The following ZPBP variants were observed in gnomAD, a reference collection of about 807,000 sequenced individuals.
ZPBP encodes the protein zona pellucida binding protein, also known as zona pellucida-binding protein 1.
In ZPBP, 26 loss-of-function variants were observed where a neutral mutation model predicts 44.8. The observed-to-expected ratio is 0.58, with a 90% CI of 0.43 to 0.81. The LOEUF (loss-of-function observed/expected upper bound fraction) is 0.81. Among genes scored for constraint, ZPBP ranks in the 30% least tolerant of loss-of-function variants. The pLI is 0.00. For missense variants in ZPBP, 409 were observed against 434.0 expected, an observed-to-expected ratio of 0.94 and a Z score of 0.51; for synonymous variants, 174 against 153.2, an observed-to-expected ratio of 1.14 and a Z score of -1.00.
chr7:49,971,036 C>T (rs534252125), intron 7 of ZPBP, among the ~76,000 whole-genome samples: 1 of 151,860 alleles, frequency 6.6e-6, no homozygotes, highest in Non-Finnish European at 1.5e-5. Context: ...AAGGCAAGAC[C>T]CCATATCAAT....
At chr7:49,896,750 A>G (rs73336269) in intron 2 of ZPBP, among the ~76,000 whole-genome samples, 4,367 of 152,272 alleles carry the variant, frequency 0.029, 235 homozygotes, top group African/African-American at 0.1. Context: ...AAGGAATATT[A>G]TCAGCGACTC....
At chr7:49,981,002 T>C (rs1182826774) in intron 7 of ZPBP, among the ~76,000 whole-genome samples, 1 of 151,204 alleles carries the variant, frequency 6.6e-6, no homozygotes, top group African/African-American at 2.4e-5. Context: ...ACTTTTTGTG[T>C]TTTGTTATTT....
intron 2 of ZPBP, among the ~76,000 whole-genome samples, chr7:49,865,704 G>T (rs1478188406): frequency 6.6e-6 from 1 of 152,168 alleles, no homozygotes; most frequent in African/African-American, 2.4e-5. Context: ...ACACCTAAGG[G>T]TGTGCCTTCA....
chr7:49,936,722 G>C (rs559201624), downstream of ZPBP, among the ~76,000 whole-genome samples: 12 of 152,274 alleles, frequency 7.9e-5, no homozygotes, highest in Admixed American at 3.3e-4. Context: ...AAATCCCAAT[G>C]TGAGACAAGA....
intron 7 of ZPBP, among the ~76,000 whole-genome samples, chr7:49,977,513 T>C (rs887901231): frequency 1.3e-5 from 2 of 152,182 alleles, no homozygotes; most frequent in African/African-American, 2.4e-5. Flanking sequence ...GTACACTTTA[T>C]TAATAAAACC....
intron 2 of ZPBP, among the ~76,000 whole-genome samples, chr7:50,084,316 A>G (rs1461454373): frequency 6.6e-6 from 1 of 151,288 alleles, no homozygotes; most frequent in Admixed American, 6.6e-5. Context: ...CTTCTCCTGG[A>G]TAATACAGTC....
chr7:50,019,972 T>C (rs1799010477), intron 5 of ZPBP, among the ~76,000 whole-genome samples: 1 of 151,330 alleles, frequency 6.6e-6, no homozygotes, highest in Non-Finnish European at 1.5e-5. Flanking sequence ...CGCTTGAACC[T>C]GGAAGGTGGA....
chr7:49,868,456 G>T (rs1791004165), intron 2 of ZPBP, among the ~76,000 whole-genome samples: 1 of 152,124 alleles, frequency 6.6e-6, no homozygotes, highest in South Asian at 2.1e-4. Context: ...TACCTGGGGA[G>T]TATATGTACT....
chr7:49,871,284 C>T (rs1308035297), intron 2 of ZPBP, among the ~76,000 whole-genome samples: 4 of 152,070 alleles, frequency 2.6e-5, no homozygotes, highest in Non-Finnish European at 5.9e-5. Context: ...ATTTCATGGA[C>T]CTTTTGATCC....
intron 6 of ZPBP, among the ~76,000 whole-genome samples, chr7:50,015,157 T>C (rs1798764514): frequency 6.6e-6 from 1 of 151,854 alleles, no homozygotes; most frequent in South Asian, 2.1e-4. Flanking sequence ...GAAACTTCTG[T>C]GCTGAAGAAG....
intron 2 of ZPBP, among the ~76,000 whole-genome samples, chr7:50,086,175 A>G (rs537071852): frequency 6.6e-6 from 1 of 152,218 alleles, no homozygotes; most frequent in South Asian, 2.1e-4. Context: ...TAGTTCAGAA[A>G]CTCACTGAAC....
chr7:49,856,338 C>T (rs148426314), intron 2 of ZPBP, among the ~76,000 whole-genome samples: 1 of 152,262 alleles, frequency 6.6e-6, no homozygotes, highest in Non-Finnish European at 1.5e-5. Context: ...TGGCACCTCC[C>T]TTTTCTCTCT....
chr7:49,953,838 ATT>A (rs1346794130), intron 7 of ZPBP, among the ~76,000 whole-genome samples: 1 of 152,182 alleles, frequency 6.6e-6, no homozygotes, highest in Non-Finnish European at 1.5e-5. Flanking sequence ...GACATTCTGT[ATT>A]CATGAGAATA....
intron 1 of ZPBP, chr7:49,916,740 C>T (rs1334795352): frequency 1.3e-5 from 2 of 152,206 alleles, no homozygotes; most frequent in African/African-American, 4.8e-5. Context: ...TAAAGAGCAA[C>T]TAAAAACTCC....
At chr7:49,892,955 CACTTAAGTTGTTTA>C (rs1792207581) in intron 2 of ZPBP, among the ~76,000 whole-genome samples, 1 of 151,492 alleles carries the variant, frequency 6.6e-6, no homozygotes, top group Non-Finnish European at 1.5e-5. Context: ...GAAGAATCCT[CACTTAAGTTGTTTA>C]ATGAAGCCTG....
intron 5 of ZPBP, among the ~76,000 whole-genome samples, chr7:50,024,309 C>T (rs1365692950): frequency 6.6e-6 from 1 of 151,938 alleles, no homozygotes; most frequent in African/African-American, 2.4e-5. Context: ...CTTCTGGGTA[C>T]ATATCCAAAA....
intron 4 of ZPBP, among the ~76,000 whole-genome samples, chr7:50,033,956 G>A (rs1799716938): frequency 6.6e-6 from 1 of 152,006 alleles, no homozygotes; most frequent in African/African-American, 2.4e-5. Context: ...GCCTCCCAAA[G>A]TGCTGGGATT....
At chr7:50,059,205 T>C (rs1801124965) in intron 3 of ZPBP, among the ~76,000 whole-genome samples, 1 of 152,238 alleles carries the variant, frequency 6.6e-6, no homozygotes, top group South Asian at 2.1e-4. Flanking sequence ...AAATGATTTA[T>C]TGCTTATAAA....
At chr7:49,991,339 A>G (rs573064547) in intron 6 of ZPBP, among the ~76,000 whole-genome samples, 1 of 152,270 alleles carries the variant, frequency 6.6e-6, no homozygotes, top group South Asian at 2.1e-4. Context: ...TCAGAACAGC[A>G]ATAATGTGAT....
Sources: allele counts gnomAD v4.1 joint callset (sites outside exome capture counted in the v4.1 genomes callset), GRCh38; gene constraint gnomAD v4.1.1; transcripts MANE v1.5; gene names NCBI Gene and HGNC (gene_info 2026-07-23, HGNC 2026-07-21).